Variants in GAS7 observed in about 807,000 individuals in gnomAD.
GAS7 encodes the protein growth arrest-specific protein 7.
Under a neutral mutation model 71.1 loss-of-function variants are expected in GAS7, and 28 were observed. The observed-to-expected ratio is 0.39, with a 90% confidence interval of 0.29 to 0.54. The LOEUF (loss-of-function observed/expected upper bound fraction) is 0.54. Among genes scored for constraint, GAS7 ranks in the 20% least tolerant of loss-of-function variants. The probability of loss-of-function intolerance (pLI) is 0.62; values close to 1 mark genes in which losing one functional copy is unlikely to be tolerated. For missense variants in GAS7, 436 were observed against 627.8 expected, an observed-to-expected ratio of 0.69 and a Z score of 3.27; for synonymous variants, 258 against 245.8, an observed-to-expected ratio of 1.05 and a Z score of -0.46.
intron 1 of GAS7, among the ~76,000 whole-genome samples, chr17:10,133,123 T>TATATATATATATA (rs770717224): frequency 0.039 from 5,006 of 128,688 alleles, 127 homozygotes; most frequent in South Asian, 0.065. Context: ...TATTTTTATA[T>TATATATATATATA]TTTTTTTTTT....
intron 1 of GAS7, among the ~76,000 whole-genome samples, chr17:10,027,845 C>T (rs1204934045): frequency 6.6e-6 from 1 of 152,138 alleles, no homozygotes; most frequent in African/African-American, 2.4e-5. Flanking sequence ...CATAGTGAGA[C>T]CCCACCGCCC....
chr17:9,990,052 G>A lies in GAS7; in HGVS notation c.305-8168C>T, dbSNP rs549601078. Among the ~76,000 whole-genome samples the A allele has an allele frequency of 6.6e-5, 10 of 152,274 alleles. No homozygotes were observed. The South Asian group carries it at 2.1e-3, about 32-fold the overall frequency. On this transcript the variant is annotated intron_variant, in intron 2 of 13. Transcript: ENST00000432992. Reference sequence around the variant, plus strand: ...TGGGAGGCAGAGGTGGACGGATCATGAGGTCAGGAGATCAAGACCATCCTG... The same window carrying A: ...TGGGAGGCAGAGGTGGACGGATCATAAGGTCAGGAGATCAAGACCATCCTG...
chr17:10,165,983 C>T (rs2074291009), intron 1 of GAS7, among the ~76,000 whole-genome samples: 1 of 151,852 alleles, frequency 6.6e-6, no homozygotes, highest in Non-Finnish European at 1.5e-5. Context: ...ACCAGGAACC[C>T]AGGACTCCTG....
intron 7 of GAS7, among the ~76,000 whole-genome samples, chr17:9,941,722 T>C (rs1284599355): frequency 6.6e-6 from 1 of 152,284 alleles, no homozygotes; most frequent in East Asian, 1.9e-4. Context: ...ATTTTCCTAT[T>C]TGCCTATTTT....
intron 1 of GAS7, among the ~76,000 whole-genome samples, chr17:10,156,896 G>A (rs939173003): frequency 2.0e-5 from 3 of 152,066 alleles, no homozygotes; most frequent in East Asian, 1.9e-4. Context: ...TCCCAATCAA[G>A]ATCCCCCTCC....
intron 1 of GAS7, among the ~76,000 whole-genome samples, chr17:10,053,685 G>A (rs930648956): frequency 5.9e-5 from 9 of 152,122 alleles, no homozygotes; most frequent in African/African-American, 2.2e-4. Context: ...GATTTGCTGA[G>A]ATCTCAAAAT....
In GAS7 at chr17:10,198,432, C is replaced by A. The variant is rs1172221489; in HGVS notation, c.-42G>T. 4.2e-6 allele frequency: 6 copies of A among 1,430,660 alleles called. No homozygotes were observed. In the South Asian group the frequency reaches 8.3e-5, roughly 20 times the overall value. The allele number at this position is 1,430,660 out of a possible 1,614,324, so 88.6% of individuals were successfully genotyped here. The stretch of plus-strand genomic sequence containing the variant: ...TTCACAGCGCAGCCTGCATTCCCGC[C>A]GAGCCCCACGGGCTGGGCAGCGGCT... On this transcript the variant is annotated 5_prime_UTR_variant, in exon 1 of 14. Coordinates refer to ENST00000432992, the MANE Select transcript of GAS7 (RefSeq NM_201433.2).
chr17:10,015,159 A>AAAAAG (rs200283091), intron 2 of GAS7, among the ~76,000 whole-genome samples: 7 of 146,886 alleles, frequency 4.8e-5, no homozygotes, highest in South Asian at 2.1e-4. Context: ...GTCTCAAAAA[A>AAAAAG]AAAAGAAAAG....
chr17:10,138,198 C>T (rs1477140353), intron 1 of GAS7, among the ~76,000 whole-genome samples: 5 of 151,808 alleles, frequency 3.3e-5, no homozygotes, highest in African/African-American at 1.2e-4. Context: ...ATCTCCTAAA[C>T]TCGTGATCCG....
intron 1 of GAS7, among the ~76,000 whole-genome samples, chr17:10,153,302 C>T (rs1373821871): frequency 1.3e-5 from 2 of 151,684 alleles, no homozygotes; most frequent in African/African-American, 2.4e-5. Flanking sequence ...GAATTCAAGA[C>T]CAGCCTGGCC....
rs568332136 is a variant in GAS7 at position 10,143,113 on chromosome 17, C to CG, written c.183+55094dup. 7.2e-5 allele frequency among the ~76,000 whole-genome samples: 11 copies of CG among 152,136 alleles called. No individual in the cohort carries two copies. The East Asian group carries it at 1.5e-3, about 21-fold the overall frequency. ...GGGAGAATCGCTTGAACCCGGGACT[C>CG]GGAGGTTTCAGTGAGCTGAGATTGT... On this transcript the variant is annotated intron_variant, in intron 1 of 13. Coordinates refer to ENST00000432992, the MANE Select transcript of GAS7 (RefSeq NM_201433.2).
intron 4 of GAS7, among the ~76,000 whole-genome samples, chr17:9,968,668 C>T (rs934844459): frequency 1.3e-5 from 2 of 152,226 alleles, no homozygotes; most frequent in African/African-American, 4.8e-5. Flanking sequence ...TGATTAAGAA[C>T]CACGGTCTCA....
At chr17:10,136,297 C>A (rs1446904261) in intron 1 of GAS7, among the ~76,000 whole-genome samples, 1 of 152,110 alleles carries the variant, frequency 6.6e-6, no homozygotes, top group African/African-American at 2.4e-5. Context: ...TGGGTTGGGC[C>A]TCAGAAAAGA....
chr17:10,195,262 T>C (rs7501540), intron 1 of GAS7, among the ~76,000 whole-genome samples: 54,342 of 151,990 alleles, frequency 0.36, 9,780 homozygotes, highest in Middle Eastern at 0.44. Context: ...CTGGGTCAGA[T>C]CTGGTGACTC....
At chr17:10,141,529 C>A (rs1240644966) in intron 1 of GAS7, among the ~76,000 whole-genome samples, 2 of 152,112 alleles carry the variant, frequency 1.3e-5, no homozygotes, top group Admixed American at 1.3e-4. Context: ...CCAAGTCCCA[C>A]TAAGACCTGC....
rs147725403 is a variant in GAS7, at chr17:9,933,578, C to T, written c.885+588G>A. Reference sequence around the variant, plus strand: ...AGGTAATAGGCCAGGTATAGTGGCTCATGTCTGTGATCCCAGCATTTTGGG... The same window carrying T: ...AGGTAATAGGCCAGGTATAGTGGCTTATGTCTGTGATCCCAGCATTTTGGG... On this transcript the variant is annotated intron_variant, in intron 9 of 13. Coordinates refer to ENST00000432992, the MANE Select transcript of GAS7 (RefSeq NM_201433.2). 7.4e-4 allele frequency among the ~76,000 whole-genome samples: 113 copies of T among 152,260 alleles called. 1 individual carries two copies. Among genetic ancestry groups the T allele is most frequent in the African/African-American group, 2.6e-3 (110 of 41,554 alleles).
intron 1 of GAS7, among the ~76,000 whole-genome samples, chr17:10,144,108 T>A (rs1268024167): frequency 2.8e-5 from 4 of 140,920 alleles, no homozygotes; most frequent in Non-Finnish European, 4.6e-5. Context: ...AAGCAAGGCC[T>A]GCTGGCAAGA....
rs954478682 is a variant in GAS7, at chr17:9,915,071, A to C, written c.*2157T>G. Reference sequence around the variant, plus strand: ...AGGGAAGAAAGAAAGGAAGTACGTGAAGGGGGTAAAGAGAAGGAGGTGAGG... The same window carrying C: ...AGGGAAGAAAGAAAGGAAGTACGTGCAGGGGGTAAAGAGAAGGAGGTGAGG... On this transcript the variant is annotated 3_prime_UTR_variant, in exon 14 of 14. Coordinates refer to ENST00000432992, the MANE Select transcript of GAS7 (RefSeq NM_201433.2). 1 of 230,880 alleles carries C rather than the reference A, an allele frequency of 4.3e-6. No individual in the cohort carries two copies. The highest frequency in any genetic ancestry group is 2.2e-5 in the African/African-American group (1 of 45,160). The allele number at this position is 230,880 out of a possible 1,614,324, so 14.3% of individuals were successfully genotyped here.
intron 1 of GAS7, among the ~76,000 whole-genome samples, chr17:10,094,617 C>T (rs964905501): frequency 7.9e-5 from 12 of 152,066 alleles, no homozygotes; most frequent in South Asian, 2.1e-4. Context: ...CACAGACACG[C>T]GCCACCACGC....
Sources: allele counts gnomAD v4.1 joint callset (sites outside exome capture counted in the v4.1 genomes callset), GRCh38; gene constraint gnomAD v4.1.1; transcripts MANE v1.5; gene names NCBI Gene and HGNC (gene_info 2026-07-23, HGNC 2026-07-21).